The following CTIF variants were observed in gnomAD, a reference collection of about 807,000 sequenced individuals.
CTIF encodes CBP80/20-dependent translation initiation factor.
In CTIF, 21 loss-of-function variants were observed where a neutral mutation model predicts 66.0. The ratio of observed to expected loss-of-function variants is 0.32; its 90% confidence interval spans 0.23 to 0.46. The LOEUF (loss-of-function observed/expected upper bound fraction) is 0.46, where lower values mean the gene tolerates loss of function less well. Among genes scored for constraint, CTIF ranks in the 20% least tolerant of loss-of-function variants. CTIF has a pLI of 1.00. For synonymous variants in CTIF, 345 were observed against 326.4 expected, an observed-to-expected ratio of 1.06 and a Z score of -0.62; for missense variants, 739 against 812.7, an observed-to-expected ratio of 0.91 and a Z score of 1.10.
chr18:48,657,468 A>G (rs1281038886), intron 3 of CTIF, among the ~76,000 whole-genome samples: 2 of 152,162 alleles, frequency 1.3e-5, no homozygotes, highest in Non-Finnish European at 2.9e-5. Context: ...TCCCAGCTAC[A>G]CTAAATTTAA....
intron 1 of CTIF, among the ~76,000 whole-genome samples, chr18:48,554,774 A>G (rs1599133956): frequency 6.6e-6 from 1 of 152,252 alleles, no homozygotes; most frequent in Admixed American, 6.5e-5. Context: ...GAAAGCCCAG[A>G]AGGACCTGAG....
chr18:48,609,807 A>G (rs1302918594), intron 1 of CTIF, among the ~76,000 whole-genome samples: 1 of 152,148 alleles, frequency 6.6e-6, no homozygotes, highest in African/African-American at 2.4e-5. Flanking sequence ...GATGCTCAGT[A>G]TGTCTTAGTT....
chr18:48,618,449 C>G (rs764908339), intron 1 of CTIF, among the ~76,000 whole-genome samples: 1 of 152,194 alleles, frequency 6.6e-6, no homozygotes, highest in South Asian at 2.1e-4. Context: ...TCTGGCAGAT[C>G]AGGATCTTCC....
At chr18:48,754,701 C>T (rs1343102892) in intron 7 of CTIF, among the ~76,000 whole-genome samples, 1 of 152,226 alleles carries the variant, frequency 6.6e-6, no homozygotes, top group East Asian at 1.9e-4. Flanking sequence ...GATGGCTTTC[C>T]ACATGTGCAA....
chr18:48,716,146 C>A (rs1341928121), intron 7 of CTIF, among the ~76,000 whole-genome samples: 1 of 152,212 alleles, frequency 6.6e-6, no homozygotes, highest in Admixed American at 6.5e-5. Context: ...CTGTTCAGTT[C>A]TCCTACTGGG....
intron 3 of CTIF, among the ~76,000 whole-genome samples, chr18:48,643,154 A>G (rs2090964868): frequency 6.6e-6 from 1 of 152,212 alleles, no homozygotes; most frequent in South Asian, 2.1e-4. Flanking sequence ...CTCAAGGATT[A>G]AACTTGTGGG....
intron 1 of CTIF, among the ~76,000 whole-genome samples, chr18:48,578,123 G>T (rs1392480215): frequency 6.6e-6 from 1 of 151,536 alleles, no homozygotes; most frequent in African/African-American, 2.4e-5. Context: ...TAGTTTCAAG[G>T]TTCATCCATG....
intron 7 of CTIF, among the ~76,000 whole-genome samples, chr18:48,717,371 C>T (rs1208399469): frequency 6.6e-6 from 1 of 151,672 alleles, no homozygotes; most frequent in African/African-American, 2.4e-5. Flanking sequence ...GCACTCCAGC[C>T]TGGGCAACAA....
chr18:48,541,485 C>G (rs1396469526), intron 1 of CTIF, among the ~76,000 whole-genome samples: 1 of 152,256 alleles, frequency 6.6e-6, no homozygotes, highest in Non-Finnish European at 1.5e-5. Flanking sequence ...AGGGCCCGAT[C>G]TGGGCTGAAA....
At chr18:48,627,652 G>A (rs965071729) in intron 2 of CTIF, among the ~76,000 whole-genome samples, 3 of 151,994 alleles carry the variant, frequency 2.0e-5, no homozygotes, top group African/African-American at 7.3e-5. Flanking sequence ...CCAGGACCCA[G>A]AGGTTGCAGT....
chr18:48,731,589 A>T (rs1339264936), intron 7 of CTIF, among the ~76,000 whole-genome samples: 1 of 152,192 alleles, frequency 6.6e-6, no homozygotes, highest in African/African-American at 2.4e-5. Flanking sequence ...TTTGTCTGTG[A>T]TAAGTGAAAG....
intron 10 of CTIF, among the ~76,000 whole-genome samples, chr18:48,837,081 C>T (rs1012080888): frequency 5.3e-5 from 8 of 152,188 alleles, no homozygotes; most frequent in South Asian, 2.1e-4. Flanking sequence ...CCAGAGGTTA[C>T]GAGCTGCCAA....
intron 1 of CTIF, among the ~76,000 whole-genome samples, chr18:48,604,205 T>C (rs928323490): frequency 8.6e-6 from 1 of 115,686 alleles, no homozygotes; most frequent in Non-Finnish European, 1.7e-5. Flanking sequence ...GAGACGGGTC[T>C]CGCTCTGTTC....
intron 9 of CTIF, among the ~76,000 whole-genome samples, chr18:48,777,176 C>T (rs1365967538): frequency 6.6e-6 from 1 of 152,072 alleles, no homozygotes; most frequent in Admixed American, 6.5e-5. Context: ...CCGCCTGGCC[C>T]CATTTACAGA....
intron 9 of CTIF, among the ~76,000 whole-genome samples, chr18:48,783,700 C>T (rs865781480): frequency 9.2e-5 from 14 of 152,182 alleles, no homozygotes; most frequent in Admixed American, 2.0e-4. Flanking sequence ...TCTATCCTCT[C>T]GGCTGGAGAC....
intron 10 of CTIF, among the ~76,000 whole-genome samples, chr18:48,849,950 C>G (rs989679653): frequency 6.6e-6 from 1 of 152,168 alleles, no homozygotes; most frequent in Non-Finnish European, 1.5e-5. Context: ...GGGCAACCAT[C>G]CCCACCGTCC....
At chr18:48,594,525 G>T (rs2089954983) in intron 1 of CTIF, among the ~76,000 whole-genome samples, 1 of 152,094 alleles carries the variant, frequency 6.6e-6, no homozygotes, top group South Asian at 2.1e-4. Context: ...GGCATTTAGG[G>T]CAGCGTAGGG....
At chr18:48,672,821 G>A (rs947544725) in intron 6 of CTIF, among the ~76,000 whole-genome samples, 4 of 151,944 alleles carry the variant, frequency 2.6e-5, no homozygotes, top group Non-Finnish European at 5.9e-5. Flanking sequence ...GTCCCTGTTC[G>A]GACTCCTTAG....
chr18:48,792,948 G>C (rs571048244), intron 9 of CTIF, among the ~76,000 whole-genome samples: 1 of 152,304 alleles, frequency 6.6e-6, no homozygotes, highest in African/African-American at 2.4e-5. Context: ...TATCCAGGTG[G>C]TATTTAGGTG....
Sources: gnomAD v4.1 joint callset for allele counts (sites outside exome capture counted in the v4.1 genomes callset) on GRCh38, gnomAD v4.1.1 for gene constraint, MANE v1.5 for transcripts, NCBI Gene and HGNC (gene_info 2026-07-23, HGNC 2026-07-21) for gene names.